PALM2AKAP2: variants seen among roughly 807,000 people sequenced by gnomAD.
PALM2AKAP2 encodes PALM2 and AKAP2 fusion, also known as PALM2-AKAP2 fusion protein.
Under a neutral mutation model 71.5 loss-of-function variants are expected in PALM2AKAP2, and 37 were observed. The observed-to-expected ratio is 0.52, with a 90% CI of 0.40 to 0.68. PALM2AKAP2 has a LOEUF of 0.68. PALM2AKAP2 is among the 30% of genes least tolerant of loss of function. The probability of loss-of-function intolerance (pLI) is 0.00; values close to 1 mark genes in which losing one functional copy is unlikely to be tolerated. For synonymous variants in PALM2AKAP2, 468 were observed against 478.8 expected (o/e 0.98, Z 0.29); for missense variants, 1,224 against 1,191.8 (o/e 1.03, Z -0.40).
intron 1 of PALM2AKAP2, among the ~76,000 whole-genome samples, chr9:109,862,493 A>G (rs537955100): frequency 5.4e-5 from 8 of 148,102 alleles, no homozygotes; most frequent in African/African-American, 1.7e-4. Context: ...TCCTAGTGGT[A>G]TGTTTTTTCA....
intron 7 of PALM2AKAP2, among the ~76,000 whole-genome samples, chr9:110,032,688 C>A (rs1833302400): frequency 2.3e-5 from 3 of 128,028 alleles, no homozygotes; most frequent in African/African-American, 6.2e-5. Context: ...GAGATTCTGT[C>A]TCAAAATAAA....
At position 110,120,629 on chromosome 9, in the gene PALM2AKAP2, G is replaced by A. The variant is rs148391684; in HGVS notation, c.157-15498G>A. Among the ~76,000 whole-genome samples the A allele has an allele frequency of 3.2e-3, 481 of 152,262 alleles. 3 individuals carry two copies. The highest frequency in any genetic ancestry group is 0.011 in the African/African-American group (444 of 41,548). On this transcript the variant is annotated intron_variant, in intron 1 of 3. Coordinates refer to ENST00000374525, the Ensembl canonical transcript of PALM2AKAP2. ...GTGATTCTCCTGCCCTCAGCCTCCC[G>A]AGTAGCTGGGATTACAGGCATGTGC...
rs199950779 is a variant in PALM2AKAP2 at position 109,745,487 on chromosome 9, AGT to A, written c.6-34974_6-34973del. On this transcript the variant is annotated intron_variant, in intron 1 of 6. Coordinates refer to the PALM2AKAP2 transcript ENST00000374531. ...TCTTAAGTCGACTCTAGTGGCTGTC[AGT>A]GTGTGTGTGTGTGTGTGTGTGTGTG... 2.5e-3 allele frequency among the ~76,000 whole-genome samples: 369 copies of A among 146,406 alleles called. 2 individuals carry two copies. The highest frequency in any genetic ancestry group is 0.022 in the East Asian group (112 of 5,062).
At chr9:109,997,796 G>A (rs1344190341) in intron 6 of PALM2AKAP2, among the ~76,000 whole-genome samples, 1 of 152,180 alleles carries the variant, frequency 6.6e-6, no homozygotes, top group Non-Finnish European at 1.5e-5. Flanking sequence ...CCTGGAGTGG[G>A]GAGGGTGGGA....
chr9:109,752,228 C>A (rs564439775), intron 1 of PALM2AKAP2, among the ~76,000 whole-genome samples: 2 of 152,086 alleles, frequency 1.3e-5, no homozygotes, highest in South Asian at 4.2e-4. Flanking sequence ...CAATGAAGAC[C>A]AGTTAGAGTG....
At chr9:109,933,472 G>A (rs543355471) in intron 6 of PALM2AKAP2, among the ~76,000 whole-genome samples, 3 of 152,286 alleles carry the variant, frequency 2.0e-5, no homozygotes, top group African/African-American at 7.2e-5. Flanking sequence ...ATATGGATCA[G>A]CTTATGGGAG....
chr9:109,751,328 GC>G (rs1161727031), intron 1 of PALM2AKAP2, among the ~76,000 whole-genome samples: 1 of 152,134 alleles, frequency 6.6e-6, no homozygotes, highest in Non-Finnish European at 1.5e-5. Flanking sequence ...GAAACCAGAT[GC>G]CTGCTCCACA....
chr9:110,075,863 T>TATG (rs1250716194), intron 1 of PALM2AKAP2, among the ~76,000 whole-genome samples: 1 of 152,108 alleles, frequency 6.6e-6, no homozygotes, highest in Non-Finnish European at 1.5e-5. Flanking sequence ...ATAATTTATA[T>TATG]ATGTCTATAT....
chr9:109,823,420 GAGTCTTAAACAAGT>G (rs1385927100), intron 1 of PALM2AKAP2, among the ~76,000 whole-genome samples: 1 of 152,168 alleles, frequency 6.6e-6, no homozygotes, highest in African/African-American at 2.4e-5. Flanking sequence ...AACAACTCTA[GAGTCTTAAACAAGT>G]TCTTAGCCTG....
chr9:110,121,034 C>G (rs1234366106), intron 1 of PALM2AKAP2, among the ~76,000 whole-genome samples: 1 of 152,150 alleles, frequency 6.6e-6, no homozygotes, highest in African/African-American at 2.4e-5. Context: ...ACCCTCTGCT[C>G]TGTAGCTTTC....
exon 4 of PALM2AKAP2, chr9:110,168,483 G>A (rs2119295724): frequency 6.2e-7 from 1 of 1,614,160 alleles, no homozygotes. Flanking sequence ...CCAGGAGGAA[G>A]AAGACAACGA....
chr9:109,691,054 T>C (rs2118546535), intron 1 of PALM2AKAP2, among the ~76,000 whole-genome samples: 1 of 152,206 alleles, frequency 6.6e-6, no homozygotes, highest in African/African-American at 2.4e-5. Flanking sequence ...GTGGAAGAAT[T>C]TGCTATTGGC....
chr9:109,901,025 T>G (rs1046663473), intron 3 of PALM2AKAP2, among the ~76,000 whole-genome samples: 4 of 152,214 alleles, frequency 2.6e-5, no homozygotes, highest in African/African-American at 9.6e-5. Flanking sequence ...GGATATGAAC[T>G]GAATGGTTGC....
chr9:109,701,348 A>G (rs1316485954), intron 1 of PALM2AKAP2, among the ~76,000 whole-genome samples: 2 of 152,212 alleles, frequency 1.3e-5, no homozygotes, highest in African/African-American at 4.8e-5. Context: ...AAACTATACT[A>G]CAAGGCTATA....
intron 1 of PALM2AKAP2, among the ~76,000 whole-genome samples, chr9:109,812,900 A>G (rs1827761548): frequency 1.3e-5 from 2 of 152,188 alleles, no homozygotes; most frequent in African/African-American, 2.4e-5. Flanking sequence ...GTAGCATAAG[A>G]TAAGAGGTAG....
chr9:109,786,166 A>C (rs920762178), intron 1 of PALM2AKAP2, among the ~76,000 whole-genome samples: 2 of 152,250 alleles, frequency 1.3e-5, no homozygotes, highest in East Asian at 3.9e-4. Context: ...TACAGCCTTG[A>C]GTACCAGGCT....
At chr9:109,942,660 C>T (rs1831401504) in intron 6 of PALM2AKAP2, 1 of 1,522,276 alleles carries the variant, frequency 6.6e-7, no homozygotes, top group South Asian at 1.3e-5. Flanking sequence ...GTAACATGCA[C>T]TTCCTTTCTC....
At chr9:110,052,562 T>C (rs1833732916) in intron 1 of PALM2AKAP2, among the ~76,000 whole-genome samples, 1 of 152,266 alleles carries the variant, frequency 6.6e-6, no homozygotes, top group Non-Finnish European at 1.5e-5. Context: ...AGAAAGTTAC[T>C]GAGTTTGTCT....
chr9:109,724,001 T>C (rs960357002), intron 1 of PALM2AKAP2, among the ~76,000 whole-genome samples: 2 of 152,206 alleles, frequency 1.3e-5, no homozygotes, highest in African/African-American at 4.8e-5. Flanking sequence ...GCTCAATGGC[T>C]AGGTCATACG....
Sources: allele counts gnomAD v4.1 joint callset (sites outside exome capture counted in the v4.1 genomes callset), GRCh38; gene constraint gnomAD v4.1.1; transcripts MANE v1.5; gene names NCBI Gene and HGNC (gene_info 2026-07-23, HGNC 2026-07-21).